The following SPTBN1 variants were observed in gnomAD, a reference collection of about 807,000 sequenced individuals.
SPTBN1 encodes spectrin beta, non-erythrocytic 1.
SPTBN1 carries 32 observed loss-of-function variants against 266.4 expected under a neutral mutation model. The observed-to-expected ratio is 0.12, with a 90% CI of 0.09 to 0.16. SPTBN1 has a LOEUF of 0.16. SPTBN1 is among the 10% of genes least tolerant of loss of function. The pLI is 1.00. For synonymous variants in SPTBN1, 1,336 were observed against 1,162.2 expected (o/e 1.15, Z -3.04); for missense variants, 2,296 against 3,067.1 (o/e 0.75, Z 5.94).
chr2:54,480,109 A>G (rs58241644), intron 1 of SPTBN1, among the ~76,000 whole-genome samples: 2 of 152,118 alleles, frequency 1.3e-5, no homozygotes, highest in Non-Finnish European at 2.9e-5. Context: ...CTACGTGTAT[A>G]TGTGGCACTT....
intron 17 of SPTBN1, among the ~76,000 whole-genome samples, chr2:54,634,482 T>C (rs1442199316): frequency 6.6e-6 from 1 of 152,178 alleles, no homozygotes; most frequent in Non-Finnish European, 1.5e-5. Flanking sequence ...GAGGGAGCTT[T>C]CCGATGACCT....
At chr2:54,536,007 A>C (rs926306377) in intron 2 of SPTBN1, among the ~76,000 whole-genome samples, 1 of 152,234 alleles carries the variant, frequency 6.6e-6, no homozygotes, top group African/African-American at 2.4e-5. Flanking sequence ...CTGGGTGACA[A>C]GAGCAAGACT....
chr2:54,627,799 G>T (rs1350593587), intron 12 of SPTBN1, among the ~76,000 whole-genome samples: 1 of 102,928 alleles, frequency 9.7e-6, no homozygotes, highest in Non-Finnish European at 2.1e-5. Context: ...CCCCACCCTG[G>T]CCCCGCTGGC....
chr2:54,664,642 C>T lies in SPTBN1; in HGVS notation c.6610C>T (p.Leu2204Phe). 1 of 1,614,176 alleles carries T rather than the reference C, an allele frequency of 6.2e-7. No individual in the cohort carries two copies. The change falls in exon 33 of 36, where the codon CTC (leucine) becomes TTC (phenylalanine). Residue 2204 changes from leucine to phenylalanine, a missense_variant. Transcript: ENST00000356805. The surrounding 1 kb of genome is among the most constrained non-coding windows in gnomAD (Gnocchi z 5.6). ...ETPSAQMEGFLNRKHEWEAHN... is the reference protein window; with the variant it reads ...ETPSAQMEGFFNRKHEWEAHN... ...ACCTTCGGCCCAGATGGAAGGCTTC[C>T]TCAATCGGAAACACGAGTGGGAGGC...
At chr2:54,571,326 C>G (rs945086960) in intron 2 of SPTBN1, among the ~76,000 whole-genome samples, 12 of 152,050 alleles carry the variant, frequency 7.9e-5, no homozygotes, top group African/African-American at 2.7e-4. Flanking sequence ...TCATTTTCTT[C>G]AGGGGGAAAG....
intron 1 of SPTBN1, among the ~76,000 whole-genome samples, chr2:54,505,291 A>G (rs897181103): frequency 2.6e-5 from 4 of 152,276 alleles, no homozygotes; most frequent in Admixed American, 2.6e-4. Context: ...CCCACACAGT[A>G]CTCAGTTCTT....
chr2:54,670,700 A>C lies in SPTBN1; in HGVS notation c.*2131A>C. ...ATACCAGCAATCCTGGAGTCCCATA[A>C]TAAATACGTACATGTGGAACATCGT... On this transcript the variant is annotated 3_prime_UTR_variant, in exon 36 of 36. Transcript: ENST00000356805. The C allele has an allele frequency of 2.5e-6, 1 of 398,630 alleles. No individual in the cohort carries two copies. The allele number at this position is 398,630 out of a possible 1,614,324, so 24.7% of individuals were successfully genotyped here.
chr2:54,649,530 G>T lies in SPTBN1; in HGVS notation c.5203-85G>T. ...ATTGGCTACATCTTGCTTAGAGGCA[G>T]TTTCTTTCCAAAGGGTATTCATGTG... is the stretch of plus-strand genomic sequence containing the variant. On this transcript the variant is annotated intron_variant, in intron 25 of 35. Transcript: ENST00000356805. The surrounding 1 kb of genome is among the most constrained non-coding windows in gnomAD (Gnocchi z 6.7). The T allele has an allele frequency of 6.6e-7, 1 of 1,523,200 alleles. No homozygotes were observed. Among genetic ancestry groups the T allele is most frequent in the Non-Finnish European group, 8.8e-7 (1 of 1,132,776 alleles). 94.4% of individuals were successfully genotyped at this position (1,523,200 alleles called of 1,614,324 possible). A position where few individuals can be genotyped will look rare whatever the true frequency, so the allele number is the denominator to read the frequency against.
chr2:54,488,379 C>T (rs982727768), intron 1 of SPTBN1, among the ~76,000 whole-genome samples: 3 of 152,226 alleles, frequency 2.0e-5, no homozygotes, highest in African/African-American at 7.2e-5. Flanking sequence ...CAGTGACTCT[C>T]TGTTTTCACC....
At chr2:54,522,658 AAGAGAG>A (rs147689465) in intron 1 of SPTBN1, among the ~76,000 whole-genome samples, 5 of 81,804 alleles carry the variant, frequency 6.1e-5, no homozygotes, top group Non-Finnish European at 7.6e-5. Flanking sequence ...GAGAGAGAGA[AAGAGAG>A]AGAGAGAGAG....
rs1679954881 is a variant in SPTBN1 at position 54,646,821 on chromosome 2, C to G, written c.4867-310C>G. Among the ~76,000 whole-genome samples the G allele has an allele frequency of 6.6e-6, 1 of 152,188 alleles. No homozygotes were observed. Among genetic ancestry groups the G allele is most frequent in the South Asian group, 2.1e-4 (1 of 4,834 alleles). On this transcript the variant is annotated intron_variant, in intron 23 of 35. Transcript: ENST00000356805. The surrounding 1 kb of genome is among the most constrained non-coding windows in gnomAD (Gnocchi z 4.4). The stretch of plus-strand genomic sequence containing the variant: ...TATTGCAAGGTTCCAGGAATGCTGC[C>G]ATTTACATACTTGAGGGACCTTGAG...
At chr2:54,564,637 C>T (rs1673549163) in intron 2 of SPTBN1, among the ~76,000 whole-genome samples, 1 of 152,200 alleles carries the variant, frequency 6.6e-6, no homozygotes, top group South Asian at 2.1e-4. Context: ...TGACACCCTG[C>T]CCTCTTGGTT....
chr2:54,472,311 G>A (rs1046169134), intron 1 of SPTBN1, among the ~76,000 whole-genome samples: 1 of 152,148 alleles, frequency 6.6e-6, no homozygotes, highest in African/African-American at 2.4e-5. Flanking sequence ...ACAGGCATGA[G>A]CCACTGCGCC....
chr2:54,642,529 G>GT (rs531997353), intron 18 of SPTBN1, among the ~76,000 whole-genome samples: 4,481 of 92,270 alleles, frequency 0.049, 195 homozygotes, highest in African/African-American at 0.13. Context: ...TAAATAAGTA[G>GT]TTTTTTTTTT....
At chr2:54,661,577 G>C (rs1572778308) in intron 32 of SPTBN1, 1 of 985,684 alleles carries the variant, frequency 1.0e-6, no homozygotes, top group South Asian at 4.7e-5. Context: ...GGGGTAGTAT[G>C]CATCATTATT....
intron 2 of SPTBN1, among the ~76,000 whole-genome samples, chr2:54,563,066 A>G (rs557473779): frequency 6.6e-6 from 1 of 152,120 alleles, no homozygotes; most frequent in South Asian, 2.1e-4. Flanking sequence ...AACTCATCCA[A>G]GTTCACAGGC....
intron 1 of SPTBN1, among the ~76,000 whole-genome samples, chr2:54,518,285 C>A (rs2104270613): frequency 6.6e-6 from 1 of 151,334 alleles, no homozygotes; most frequent in African/African-American, 2.4e-5. Context: ...CGGGGAACAT[C>A]ACACACCGGG....
chr2:54,483,838 C>T (rs1194717255), intron 1 of SPTBN1, among the ~76,000 whole-genome samples: 1 of 152,126 alleles, frequency 6.6e-6, no homozygotes, highest in Non-Finnish European at 1.5e-5. Context: ...TGTTGCAGAC[C>T]TTATTGCCTT....
chr2:54,494,938 A>C (rs976123585), intron 1 of SPTBN1, among the ~76,000 whole-genome samples: 1 of 152,044 alleles, frequency 6.6e-6, no homozygotes, highest in South Asian at 2.1e-4. Flanking sequence ...AAATGTCCTG[A>C]AAAAAGTTCT....
Sources: allele counts gnomAD v4.1 joint callset (sites outside exome capture counted in the v4.1 genomes callset), GRCh38; gene constraint gnomAD v4.1.1; non-coding constraint Gnocchi (gnomAD v3.1); transcripts MANE v1.5; gene names NCBI Gene and HGNC (gene_info 2026-07-23, HGNC 2026-07-21).